Variants in KRR1 observed in about 807,000 individuals in gnomAD.
KRR1 encodes KRR1 small subunit processome component.
KRR1 carries 23 observed loss-of-function variants against 50.0 expected under a neutral mutation model. The ratio of observed to expected loss-of-function variants is 0.46; its 90% CI spans 0.33 to 0.65. The LOEUF is 0.65. Ranked by LOEUF, KRR1 falls within the 30% of genes least tolerant of loss-of-function variation. KRR1 has a pLI of 0.02. For synonymous variants in KRR1, 133 were observed against 146.3 expected, an observed-to-expected ratio of 0.91 and a Z score of 0.66; for missense variants, 419 against 442.4, an observed-to-expected ratio of 0.95 and a Z score of 0.47.
intron 2 of KRR1, among the ~76,000 whole-genome samples, chr12:75,507,543 CTA>C (rs2120629871): frequency 6.6e-6 from 1 of 152,156 alleles, no homozygotes; most frequent in Admixed American, 6.5e-5. Flanking sequence ...GGTTGAGTCT[CTA>C]TGAGTTTACA....
In KRR1 at chr12:75,500,255, C is replaced by T. The variant is rs185582999; in HGVS notation, c.1004-304G>A. On this transcript the variant is annotated intron_variant, in intron 9 of 9. Transcript: ENST00000229214. ...GGATTCAACTATATTAAGACTATTT[C>T]CTTAAATCCTACTTCAGACTAAATT... is the stretch of plus-strand genomic sequence containing the variant. The T allele has an allele frequency of 3.8e-3, 659 of 172,706 alleles. 3 individuals are homozygous for T. The highest frequency in any genetic ancestry group is 6.7e-3 in the Non-Finnish European group (551 of 82,070). The allele number at this position is 172,706 out of a possible 1,614,324, so 10.7% of individuals were successfully genotyped here.
intron 5 of KRR1, among the ~76,000 whole-genome samples, 157 bp from the exon 6 acceptor site, chr12:75,505,411 C>G (rs1381574340): frequency 6.6e-6 from 1 of 151,996 alleles, no homozygotes; most frequent in Admixed American, 6.6e-5. Context: ...GCTTCTCCAT[C>G]TTTCATAAAG....
rs147846380 is a variant in KRR1, at chr12:75,498,331, T to C, written c.*1478A>G. On this transcript the variant is annotated 3_prime_UTR_variant, in exon 10 of 10. Coordinates refer to ENST00000229214, the MANE Select transcript of KRR1 (RefSeq NM_007043.7). ...GATTCATCATAAACAGTATCATTCT[T>C]CTCAGGAAGAAACTTATTTTTAGAA... The C allele has an allele frequency of 1.6e-3, 283 of 172,488 alleles. 2 individuals carry two copies. The highest frequency in any genetic ancestry group is 6.1e-3 in the African/African-American group (255 of 41,908). 10.7% of individuals were successfully genotyped at this position (172,488 alleles called of 1,614,324 possible). A position where few individuals can be genotyped will look rare whatever the true frequency, so the allele number is the denominator to read the frequency against.
rs368009301 is a variant in KRR1, at chr12:75,499,016, A to G, written c.*793T>C. On this transcript the variant is annotated 3_prime_UTR_variant, in exon 10 of 10. Coordinates refer to ENST00000229214, the MANE Select transcript of KRR1 (RefSeq NM_007043.7). ...AAGAAAAAACCCAAAAACCAACCTC[A>G]TTCACATATGGCTTTTTTTTTAACC... The G allele has an allele frequency of 1.7e-5, 24 of 1,424,930 alleles. No homozygotes were observed. The highest frequency in any genetic ancestry group is 2.1e-5 in the Non-Finnish European group (22 of 1,060,612). The allele number at this position is 1,424,930 out of a possible 1,614,324, so 88.3% of individuals were successfully genotyped here. A position where few individuals can be genotyped will look rare whatever the true frequency, so the allele number is the denominator to read the frequency against.
Position 75,492,469 on chromosome 12 carries a change from T to A in KRR1, c.*7340A>T, listed in dbSNP as rs536586339. ...CTCTGAATCTCAGTTTAACCTCCAA[T>A]AGATCAGGGTTACAGGACCCATCAC... On this transcript the variant is annotated 3_prime_UTR_variant, in exon 10 of 10. Coordinates refer to ENST00000229214, the MANE Select transcript of KRR1 (RefSeq NM_007043.7). The A allele has an allele frequency of 1.3e-5, 2 of 152,214 alleles. No individual in the cohort carries two copies. Among genetic ancestry groups the A allele is most frequent in the South Asian group, 4.1e-4 (2 of 4,834 alleles). 9.4% of individuals were successfully genotyped at this position (152,214 alleles called of 1,614,324 possible).
At chr12:75,505,960 C>T (rs1473589166) in intron 5 of KRR1, among the ~76,000 whole-genome samples, 3 of 152,106 alleles carry the variant, frequency 2.0e-5, no homozygotes, top group African/African-American at 7.2e-5. Context: ...CTGCAAATAA[C>T]TGGATTTTTG....
chr12:75,508,201 T>G, intron 2 of KRR1, 73 bp downstream of exon 2: 2 of 1,030,174 alleles, frequency 1.9e-6, no homozygotes, highest in South Asian at 2.2e-5. Flanking sequence ...AAAAAAGCAT[T>G]AGCATACATA....
rs116518964 is a variant in KRR1, at chr12:75,508,352, G to A, written c.180C>T (p.Phe60=). Residue 60 remains phenylalanine (F), a synonymous_variant, in exon 2 of 10, where the codon TTC becomes TTT. Coordinates refer to ENST00000229214, the MANE Select transcript of KRR1 (RefSeq NM_007043.7). ...NPRGLLEESS[F]ATLFPKYREA... Reference sequence around the variant, plus strand: ...CCCTGTATTTTGGGAACAAAGTTGCGAAACTGCTCTCCTCCAAAAGTCCTC... The same window carrying A: ...CCCTGTATTTTGGGAACAAAGTTGCAAAACTGCTCTCCTCCAAAAGTCCTC... 2.9e-5 allele frequency: 46 copies of A among 1,613,556 alleles called. No homozygotes were observed. The Middle Eastern group carries it at 5.0e-4, about 17-fold the overall frequency.
Position 75,506,303 on chromosome 12 carries a change from A to G in KRR1, c.603+13T>C, listed in dbSNP as rs2046421105. The G allele has an allele frequency of 2.0e-6, 3 of 1,520,326 alleles. No individual in the cohort carries two copies. Among genetic ancestry groups the G allele is most frequent in the Non-Finnish European group, 2.7e-6 (3 of 1,103,890 alleles). The allele number at this position is 1,520,326 out of a possible 1,614,324, so 94.2% of individuals were successfully genotyped here. A position where few individuals can be genotyped will look rare whatever the true frequency, so the allele number is the denominator to read the frequency against. ...CTGCTGAAAATGAATCGAAGATAAT[A>G]CATAGTTCTCACCTCTTTTAAGCCA... is the stretch of plus-strand genomic sequence containing the variant. On this transcript the variant is annotated intron_variant, in intron 5 of 9. Transcript: ENST00000229214.
In KRR1 at chr12:75,510,759, T is replaced by C. The variant is rs543294330; in HGVS notation, c.85+754A>G. ...ATGGTTTTATTAAACTCTATATAAG[T>C]TGTATCCCCTGCTATGTACGTTACA... On this transcript the variant is annotated intron_variant, in intron 1 of 9. Transcript: ENST00000229214. 2.6e-5 allele frequency among the ~76,000 whole-genome samples: 4 copies of C among 152,296 alleles called. No individual in the cohort carries two copies. The East Asian group carries it at 5.8e-4, about 22-fold the overall frequency.
rs1165263366 is a variant in KRR1, at chr12:75,498,256, T to C, written c.*1553A>G. 1 of 152,970 alleles carries C rather than the reference T, an allele frequency of 6.5e-6. No individual in the cohort carries two copies. Among genetic ancestry groups the C allele is most frequent in the Non-Finnish European group, 1.5e-5 (1 of 68,636 alleles). 9.5% of individuals were successfully genotyped at this position (152,970 alleles called of 1,614,324 possible). On this transcript the variant is annotated 3_prime_UTR_variant, in exon 10 of 10. Transcript: ENST00000229214. The stretch of plus-strand genomic sequence containing the variant: ...ATAGCCAAACATCGTAATGATGATT[T>C]AGTGATATACTAGACTGGATGAAAG...
At position 75,506,817 on chromosome 12, in the gene KRR1, T is replaced by C; in HGVS notation, c.358A>G (p.Ile120Val). Reference sequence around the variant, plus strand: ...GAAACACTCCTTGCTAACAGTTTTATCAGATCTCTGGCCCTAATGATGATA... The same window carrying C: ...GAAACACTCCTTGCTAACAGTTTTACCAGATCTCTGGCCCTAATGATGATA... ...PYIIIRARDL[I>V]KLLARSVSFE... The change falls in exon 3 of 10, where the codon ATA (isoleucine) becomes GTA (valine). Residue 120 changes from isoleucine (I) to valine (V), a missense_variant. By Grantham distance (29) the Ile-to-Val change is conservative. Coordinates refer to ENST00000229214, the MANE Select transcript of KRR1 (RefSeq NM_007043.7). 1.2e-6 allele frequency: 2 copies of C among 1,611,876 alleles called. No individual in the cohort carries two copies. Among genetic ancestry groups the C allele is most frequent in the Non-Finnish European group, 1.7e-6 (2 of 1,179,208 alleles).
Position 75,498,494 on chromosome 12 carries a change from G to GT in KRR1, c.*1314dup. On this transcript the variant is annotated 3_prime_UTR_variant, in exon 10 of 10. Coordinates refer to ENST00000229214, the MANE Select transcript of KRR1 (RefSeq NM_007043.7). Reference sequence around the variant, plus strand: ...TTCCTTTTTATAAAAGGTTTATAAAGTTTATGTAAAAAGTCAACTTAAAAA... The same window carrying GT: ...TTCCTTTTTATAAAAGGTTTATAAAGTTTTATGTAAAAAGTCAACTTAAAAA... 1 of 521,392 alleles carries GT rather than the reference G, an allele frequency of 1.9e-6. No individual in the cohort carries two copies. The highest frequency in any genetic ancestry group is 3.0e-5 in the East Asian group (1 of 33,356). The allele number at this position is 521,392 out of a possible 1,614,324, so 32.3% of individuals were successfully genotyped here. A position where few individuals can be genotyped will look rare whatever the true frequency, so the allele number is the denominator to read the frequency against.
chr12:75,503,816 T>G (rs2046410078), intron 7 of KRR1, 88 bp downstream of exon 7: 9 of 1,142,860 alleles, frequency 7.9e-6, no homozygotes, highest in Non-Finnish European at 1.1e-5. Context: ...TATACACATA[T>G]CCCACCTGAA....
At chr12:75,510,673 G>C (rs1485084500) in intron 1 of KRR1, among the ~76,000 whole-genome samples, 1 of 152,186 alleles carries the variant, frequency 6.6e-6, no homozygotes, top group Non-Finnish European at 1.5e-5. Flanking sequence ...AGAGGTGCAC[G>C]TAAGGGTTTG....
At chr12:75,510,321 A>G (rs979393055) in intron 1 of KRR1, among the ~76,000 whole-genome samples, 3 of 152,212 alleles carry the variant, frequency 2.0e-5, no homozygotes, top group Non-Finnish European at 2.9e-5. Flanking sequence ...ACCAGAAGAC[A>G]TGTACAAAGA....
At chr12:75,500,195 A>C (rs911227758) in intron 9 of KRR1, 3 of 259,214 alleles carry the variant, frequency 1.2e-5, no homozygotes, top group African/African-American at 6.7e-5. Context: ...AGTATACATA[A>C]AAATGGCATA....
At chr12:75,511,323 A>G (rs2120645351) in intron 1 of KRR1, among the ~76,000 whole-genome samples, 190 bp downstream of exon 1, 1 of 152,314 alleles carries the variant, frequency 6.6e-6, no homozygotes, top group South Asian at 2.1e-4. Flanking sequence ...ATGAATTAGG[A>G]ACACCTGGGT....
Position 75,499,852 on chromosome 12 carries a change from AG to A in KRR1, c.1102del (p.Lys369ArgfsTer20), listed in dbSNP as rs1566102389. 1 of 1,607,986 alleles carries A rather than the reference AG, an allele frequency of 6.2e-7. No homozygotes were observed. Among genetic ancestry groups the A allele is most frequent in the Admixed American group, 1.7e-5 (1 of 59,520 alleles). ...TTTCTTTTCATCTGCCTCCATCTTA[AG>A]TGCAATTTCTTCAGCTGTAAGAGCT... ...LGALTAEEIA[L>X]KMEADEKKKK... On this transcript the variant is annotated frameshift_variant, in exon 10 of 10. Coordinates refer to ENST00000229214, the MANE Select transcript of KRR1 (RefSeq NM_007043.7). LOFTEE classifies it high-confidence loss of function.
Sources: gnomAD v4.1 joint callset for allele counts (sites outside exome capture counted in the v4.1 genomes callset) on GRCh38, gnomAD v4.1.1 for gene constraint, MANE v1.5 for transcripts, NCBI Gene and HGNC (gene_info 2026-07-23, HGNC 2026-07-21) for gene names.